SVIL: variants seen among roughly 807,000 people sequenced by gnomAD.
SVIL encodes the protein archvillin.
SVIL carries 101 observed loss-of-function variants against 240.4 expected under a neutral mutation model. The observed-to-expected ratio is 0.42, with a 90% confidence interval of 0.36 to 0.50. The LOEUF is 0.50. Ranked by LOEUF, SVIL falls within the 20% of genes least tolerant of loss-of-function variation. The pLI, the probability that SVIL is intolerant of heterozygous loss-of-function variation, is 0.01. For missense variants in SVIL, 2,512 were observed against 2,818.7 expected, an observed-to-expected ratio of 0.89 and a Z score of 2.46; for synonymous variants, 999 against 1,100.0, an observed-to-expected ratio of 0.91 and a Z score of 1.82.
intron 2 of SVIL, among the ~76,000 whole-genome samples, chr10:29,679,559 C>CTTT (rs369701914): frequency 0.2 from 28,421 of 140,696 alleles, 3,214 homozygotes; most frequent in East Asian, 0.31. Context: ...TTTTCTTTTC[C>CTTT]TTTTTTTTTT....
chr10:29,696,394 C>T (rs1961999427), intron 1 of SVIL, among the ~76,000 whole-genome samples: 2 of 151,698 alleles, frequency 1.3e-5, no homozygotes, highest in East Asian at 2.0e-4. Context: ...AAGTGAGGAG[C>T]GTCTCTGCCT....
chr10:29,624,824 C>T (rs1208245252), intron 1 of SVIL, among the ~76,000 whole-genome samples: 1 of 152,088 alleles, frequency 6.6e-6, no homozygotes, highest in Non-Finnish European at 1.5e-5. Context: ...ATCCATTTAC[C>T]ATCTGATTAT....
intron 13 of SVIL, among the ~76,000 whole-genome samples, chr10:29,525,646 C>T (rs1430729594): frequency 6.6e-6 from 1 of 152,144 alleles, no homozygotes; most frequent in African/African-American, 2.4e-5. Context: ...ATAAATAGCT[C>T]CCTCCAACTT....
rs1950631554 is a variant in SVIL at position 29,522,598 on chromosome 10, C to T, written c.3201G>A (p.Gly1067=). 1.2e-6 allele frequency: 2 copies of T among 1,614,182 alleles called. No individual in the cohort carries two copies. Among genetic ancestry groups the T allele is most frequent in the East Asian group, 4.5e-5 (2 of 44,882 alleles). Reference sequence around the variant, plus strand: ...GAGCAATAGTTTTCCCAGCAGCTGTCCCCGTCTGCTCGGAAGTGGGCTCCC... The same window carrying T: ...GAGCAATAGTTTTCCCAGCAGCTGTTCCCGTCTGCTCGGAAGTGGGCTCCC... ...EFGEPTSEQT[G]TAAGKTIAQT... is the part of the protein sequence containing the mutation. Residue 1067 remains glycine (G), a synonymous_variant, in exon 16 of 38, where the codon GGG becomes GGA. Transcript: ENST00000355867.
intron 3 of SVIL, among the ~76,000 whole-genome samples, chr10:29,657,440 A>G (rs1959039238): frequency 6.6e-6 from 1 of 152,222 alleles, no homozygotes; most frequent in African/African-American, 2.4e-5. Flanking sequence ...GCACTTAGGC[A>G]TAGACCCATC....
At chr10:29,670,082 T>C (rs1395992783) in intron 2 of SVIL, among the ~76,000 whole-genome samples, 3 of 151,220 alleles carry the variant, frequency 2.0e-5, no homozygotes, top group African/African-American at 7.3e-5. Flanking sequence ...ACCACTGCAC[T>C]CCAGCCTGGG....
intron 1 of SVIL, among the ~76,000 whole-genome samples, chr10:29,573,574 TTAC>T (rs1293688319): frequency 6.6e-6 from 1 of 152,112 alleles, no homozygotes; most frequent in African/African-American, 2.4e-5. Flanking sequence ...TCAAGAATTA[TTAC>T]TACTATTATT....
At chr10:29,573,841 G>T (rs546028370) in intron 1 of SVIL, among the ~76,000 whole-genome samples, 6 of 151,944 alleles carry the variant, frequency 3.9e-5, no homozygotes, top group Non-Finnish European at 7.4e-5. Context: ...GATTACAGGC[G>T]CGCGCCACCA....
chr10:29,532,863 C>G lies in SVIL; in HGVS notation c.1504G>C (p.Ala502Pro). Residue 502 changes from alanine to proline, a missense_variant, in exon 8 of 38, where the codon GCT (alanine) becomes CCT (proline). Ala to Pro is a conservative substitution (Grantham distance 27, BLOSUM62 -1). Transcript: ENST00000355867. The part of the protein sequence containing the change: ...ELENVAQPPQ[A>P]PHQPTERTGR... ...GTCCTCTCAGTGGGCTGGTGCGGAG[C>G]TTGAGGGGGTTGTGCCACGTTTTCC... 6.2e-7 allele frequency: 1 copy of G among 1,614,172 alleles called. No individual in the cohort carries two copies. Among genetic ancestry groups the G allele is most frequent in the Non-Finnish European group, 8.5e-7 (1 of 1,180,042 alleles).
Position 29,532,180 on chromosome 10 carries a change from A to T in SVIL, c.1839-8T>A. The T allele has an allele frequency of 6.2e-7, 1 of 1,613,274 alleles. No homozygotes were observed. Among genetic ancestry groups the T allele is most frequent in the Non-Finnish European group, 8.5e-7 (1 of 1,179,702 alleles). The stretch of plus-strand genomic sequence containing the variant: ...CTCTCCACCCGTGATTTGCTTTGAG[A>T]ATCAAAGGGCAGAGAGTATAAGGAA... On this transcript the variant is annotated splice_polypyrimidine_tract_variant and splice_region_variant and intron_variant, in intron 8 of 37. Transcript: ENST00000355867.
At chr10:29,486,296 T>C in intron 25 of SVIL, 66 bp from the exon 26 acceptor site, 2 of 1,595,990 alleles carry the variant, frequency 1.3e-6, no homozygotes, top group Non-Finnish European at 1.7e-6. Flanking sequence ...ATGTAAAATG[T>C]GAATGAATTT....
intron 1 of SVIL, among the ~76,000 whole-genome samples, chr10:29,706,623 G>T (rs936581539): frequency 6.6e-6 from 1 of 152,120 alleles, no homozygotes; most frequent in Non-Finnish European, 1.5e-5. Context: ...TCTGATGATA[G>T]TTTCTTTTGC....
chr10:29,521,864 G>A (rs191899043), intron 16 of SVIL, among the ~76,000 whole-genome samples: 1 of 152,288 alleles, frequency 6.6e-6, no homozygotes, highest in East Asian at 1.9e-4. Context: ...GCTATTACCT[G>A]ACATACAATT....
chr10:29,532,444 A>G, intron 8 of SVIL, 85 bp downstream of exon 8: 2 of 1,506,168 alleles, frequency 1.3e-6, no homozygotes, highest in Middle Eastern at 2.2e-4. Context: ...GATTCAATGC[A>G]GAACACAACA....
chr10:29,633,236 CAAAAA>C (rs5784146), intron 1 of SVIL, among the ~76,000 whole-genome samples: 1 of 71,076 alleles, frequency 1.4e-5, no homozygotes, highest in African/African-American at 5.6e-5. Flanking sequence ...GACTCCATCT[CAAAAA>C]AAAAAAAAAA....
Position 29,728,897 on chromosome 10 carries a change from G to A in SVIL, c.-400+6854C>T, listed in dbSNP as rs550209882. On this transcript the variant is annotated intron_variant, in intron 1 of 35. Coordinates refer to the SVIL transcript ENST00000375400. Reference sequence around the variant, plus strand: ...ACGTCCAAGGCAAATGTGTCCCTAAGACACTTGAAACCCAGGCCTGCCGGG... The same window carrying A: ...ACGTCCAAGGCAAATGTGTCCCTAAAACACTTGAAACCCAGGCCTGCCGGG... Among the ~76,000 whole-genome samples the A allele has an allele frequency of 2.6e-4, 39 of 152,252 alleles. 1 individual carries two copies. The South Asian group carries it at 6.8e-3, about 27-fold the overall frequency.
intron 1 of SVIL, among the ~76,000 whole-genome samples, chr10:29,582,731 C>CTAATAA (rs61441935): frequency 0.08 from 11,373 of 142,694 alleles, 689 homozygotes; most frequent in East Asian, 0.25. Context: ...GACCCTGTCT[C>CTAATAA]TAATAATAAT....
chr10:29,727,088 A>C lies in SVIL; in HGVS notation c.-400+8663T>G, dbSNP rs149881866. ...GTTAGCTGAACAAAGGAAAGACAAA[A>C]TCAGCAGTTTGATTACTTTTACTTC... On this transcript the variant is annotated intron_variant, in intron 1 of 35. Transcript: ENST00000375400. Among the ~76,000 whole-genome samples the C allele has an allele frequency of 3.9e-3, 593 of 152,302 alleles. 8 individuals are homozygous for C. The highest frequency in any genetic ancestry group is 0.013 in the African/African-American group (554 of 41,566).
At chr10:29,650,509 A>AT (rs1293837191) in intron 3 of SVIL, among the ~76,000 whole-genome samples, 3 of 152,168 alleles carry the variant, frequency 2.0e-5, no homozygotes, top group Non-Finnish European at 4.4e-5. Flanking sequence ...TAATAAATGC[A>AT]TATATAATAT....
Sources: allele counts gnomAD v4.1 joint callset (sites outside exome capture counted in the v4.1 genomes callset), GRCh38; gene constraint gnomAD v4.1.1; transcripts MANE v1.5; gene names NCBI Gene and HGNC (gene_info 2026-07-23, HGNC 2026-07-21).